UCK2: variants seen among roughly 807,000 people sequenced by gnomAD.
UCK2 encodes uridine-cytidine kinase 2, also known as cytidine monophosphokinase 2.
A neutral mutation model predicts 30.8 loss-of-function variants in UCK2; 6 were observed. That is an observed-to-expected ratio of 0.19 (90% CI 0.11 to 0.38). The LOEUF (loss-of-function observed/expected upper bound fraction) is 0.38. Among genes scored for constraint, UCK2 ranks in the 10% least tolerant of loss-of-function variants. The pLI is 1.00. For synonymous variants in UCK2, 125 were observed against 133.6 expected, an observed-to-expected ratio of 0.94 and a Z score of 0.45; for missense variants, 210 against 339.8, an observed-to-expected ratio of 0.62 and a Z score of 3.00.
At chr1:165,857,199 A>G (rs1020020309) in intron 1 of UCK2, among the ~76,000 whole-genome samples, 5 of 152,170 alleles carry the variant, frequency 3.3e-5, no homozygotes, top group African/African-American at 1.2e-4. Flanking sequence ...AAGCACATGC[A>G]GCTAGCCAGT....
At chr1:165,895,055 G>A (rs1655859548) in intron 3 of UCK2, among the ~76,000 whole-genome samples, 1 of 152,220 alleles carries the variant, frequency 6.6e-6, no homozygotes, top group Admixed American at 6.5e-5. Context: ...CTGAGCACAA[G>A]CAAGGCCATC....
chr1:165,875,427 TGA>T (rs1199476922), intron 1 of UCK2, among the ~76,000 whole-genome samples: 47 of 152,304 alleles, frequency 3.1e-4, no homozygotes, highest in East Asian at 1.9e-4. Flanking sequence ...CCGATTGTGG[TGA>T]GAGAGGGGGG....
At chr1:165,850,643 G>A (rs938529713) in intron 1 of UCK2, among the ~76,000 whole-genome samples, 6 of 141,936 alleles carry the variant, frequency 4.2e-5, no homozygotes, top group African/African-American at 7.9e-5. Context: ...TTTTGAGGTG[G>A]AGTCTGGTTC....
At chr1:165,896,636 G>T (rs1369208346) in intron 4 of UCK2, among the ~76,000 whole-genome samples, 1 of 152,212 alleles carries the variant, frequency 6.6e-6, no homozygotes, top group Non-Finnish European at 1.5e-5. Flanking sequence ...TTGATTAAAT[G>T]CTTAGTTCCT....
intron 1 of UCK2, among the ~76,000 whole-genome samples, chr1:165,840,220 G>C (rs992043625): frequency 1.3e-5 from 2 of 152,198 alleles, no homozygotes; most frequent in African/African-American, 4.8e-5. Flanking sequence ...TGCCCGGCCT[G>C]GTCAGCCTTT....
At chr1:165,878,649 C>T (rs181909182) in intron 1 of UCK2, among the ~76,000 whole-genome samples, 77 of 152,272 alleles carry the variant, frequency 5.1e-4, no homozygotes, top group African/African-American at 1.8e-3. Flanking sequence ...CGGCTGCCAG[C>T]TTATTTCTTT....
chr1:165,851,742 C>T (rs1025076519), intron 1 of UCK2, among the ~76,000 whole-genome samples: 22 of 152,108 alleles, frequency 1.4e-4, no homozygotes, highest in African/African-American at 5.3e-4. Context: ...TAAGTTCCCT[C>T]CCCTCATCCC....
At chr1:165,856,793 C>T (rs1454413709) in intron 1 of UCK2, among the ~76,000 whole-genome samples, 2 of 152,040 alleles carry the variant, frequency 1.3e-5, no homozygotes, top group East Asian at 3.9e-4. Context: ...AACACACTTC[C>T]AGAGTCAAAT....
At chr1:165,873,469 T>G (rs1655253306) in intron 1 of UCK2, among the ~76,000 whole-genome samples, 1 of 152,210 alleles carries the variant, frequency 6.6e-6, no homozygotes, top group African/African-American at 2.4e-5. Context: ...TACTTGTACT[T>G]TTTAGAAAAA....
At chr1:165,889,080 T>A (rs1023161974) in intron 1 of UCK2, among the ~76,000 whole-genome samples, 1 of 152,194 alleles carries the variant, frequency 6.6e-6, no homozygotes, top group Non-Finnish European at 1.5e-5. Flanking sequence ...AGGTTTGAGT[T>A]CATTTGGAGT....
At chr1:165,830,931 C>T (rs1444854354) in intron 1 of UCK2, among the ~76,000 whole-genome samples, 1 of 151,978 alleles carries the variant, frequency 6.6e-6, no homozygotes, top group Non-Finnish European at 1.5e-5. Flanking sequence ...ACCAGATTCT[C>T]AGCTTGGGCA....
chr1:165,905,829 A>T, intron 5 of UCK2, 92 bp from the exon 6 acceptor site: 1 of 1,195,794 alleles, frequency 8.4e-7, no homozygotes, highest in Non-Finnish European at 1.2e-6. Context: ...CGCTAGTATG[A>T]ATGCTGCCCT....
chr1:165,896,442 C>T, intron 4 of UCK2, 110 bp downstream of exon 4: 1 of 1,283,834 alleles, frequency 7.8e-7, no homozygotes, highest in Non-Finnish European at 1.1e-6. Context: ...CATGCCTTCC[C>T]TGAGGCAGCT....
rs1647856872 is a variant in UCK2 at position 165,911,501 on chromosome 1, C to G, written c.*3678C>G. The G allele has an allele frequency of 6.6e-6, 1 of 152,104 alleles. No homozygotes were observed. The highest frequency in any genetic ancestry group is 2.4e-5 in the African/African-American group (1 of 41,414). 9.4% of individuals were successfully genotyped at this position (152,104 alleles called of 1,614,324 possible). On this transcript the variant is annotated 3_prime_UTR_variant, in exon 7 of 7. Transcript: ENST00000367879. ...ATACAGACTTAGGCTTTTTTTTCCC[C>G]CCTTTTAAGATGCTTGCTCCTCTCC...
At chr1:165,873,615 T>C (rs1259320830) in intron 1 of UCK2, among the ~76,000 whole-genome samples, 1 of 152,226 alleles carries the variant, frequency 6.6e-6, no homozygotes, top group African/African-American at 2.4e-5. Flanking sequence ...GCTGTCGTAG[T>C]TCATCATCAG....
At chr1:165,860,252 C>T (rs891247780) in intron 1 of UCK2, among the ~76,000 whole-genome samples, 8 of 152,150 alleles carry the variant, frequency 5.3e-5, no homozygotes, top group Admixed American at 1.3e-4. Context: ...CCACCTTTGT[C>T]CCCACCCTCC....
At chr1:165,836,232 AC>A (rs1654187950) in intron 1 of UCK2, among the ~76,000 whole-genome samples, 1 of 152,132 alleles carries the variant, frequency 6.6e-6, no homozygotes, top group Admixed American at 6.5e-5. Flanking sequence ...CCGTCTCAAA[AC>A]AAAAAACAAA....
chr1:165,867,689 C>A (rs1224977740), intron 1 of UCK2, among the ~76,000 whole-genome samples: 12 of 152,218 alleles, frequency 7.9e-5, no homozygotes, highest in Admixed American at 7.2e-4. Context: ...TCAGTCACAT[C>A]TTCAGGTTCC....
intron 2 of UCK2, 21 bp downstream of exon 2, chr1:165,890,384 G>C (rs1655735435): frequency 6.2e-7 from 1 of 1,610,784 alleles, no homozygotes; most frequent in Admixed American, 1.7e-5. Flanking sequence ...CATTGAAGGG[G>C]GTATGTATCT....
Sources: allele counts gnomAD v4.1 joint callset (sites outside exome capture counted in the v4.1 genomes callset), GRCh38; gene constraint gnomAD v4.1.1; transcripts MANE v1.5; gene names NCBI Gene and HGNC (gene_info 2026-07-23, HGNC 2026-07-21).